Variants in SMARCC1 observed in about 807,000 individuals in gnomAD.
SMARCC1 encodes the protein SWI/SNF complex subunit SMARCC1.
A neutral mutation model predicts 147.4 loss-of-function variants in SMARCC1; 43 were observed. The observed-to-expected ratio is 0.29, with a 90% CI of 0.23 to 0.38. The LOEUF is 0.38. SMARCC1 is among the 10% of genes least tolerant of loss of function. The pLI is 1.00. For missense variants in SMARCC1, 1,119 were observed against 1,381.1 expected, an observed-to-expected ratio of 0.81 and a Z score of 3.01; for synonymous variants, 495 against 484.4, an observed-to-expected ratio of 1.02 and a Z score of -0.29.
chr3:47,642,521 T>C (rs1260866229), intron 21 of SMARCC1, among the ~76,000 whole-genome samples: 1 of 151,870 alleles, frequency 6.6e-6, no homozygotes, highest in East Asian at 1.9e-4. Context: ...ACCCGGGTGG[T>C]AGAGGTTGCA....
intron 19 of SMARCC1, 38 bp from the exon 20 acceptor site, chr3:47,662,630 C>A: frequency 6.3e-7 from 1 of 1,582,172 alleles, no homozygotes; most frequent in Non-Finnish European, 8.6e-7. Flanking sequence ...TGTCAGGTAA[C>A]AAGAAAGTAA....
intron 19 of SMARCC1, 50 bp downstream of exon 19, chr3:47,670,608 T>C (rs1412188634): frequency 8.8e-7 from 1 of 1,131,552 alleles, no homozygotes; most frequent in Non-Finnish European, 1.4e-6. Flanking sequence ...CAAAATAAAA[T>C]GCTAGTCAAA....
chr3:47,728,100 TTTTTG>T (rs2034322317), intron 6 of SMARCC1, among the ~76,000 whole-genome samples: 1 of 140,118 alleles, frequency 7.1e-6, no homozygotes, highest in African/African-American at 2.7e-5. Context: ...TTTTTTTTTT[TTTTTG>T]AGATGGAGTC....
chr3:47,644,596 C>T (rs1162559970), intron 21 of SMARCC1, among the ~76,000 whole-genome samples: 2 of 152,184 alleles, frequency 1.3e-5, no homozygotes, highest in Non-Finnish European at 2.9e-5. Flanking sequence ...CAACCCCTGT[C>T]TCCCAGGTTC....
At chr3:47,713,394 C>T (rs2034115813) in intron 8 of SMARCC1, among the ~76,000 whole-genome samples, 1 of 151,908 alleles carries the variant, frequency 6.6e-6, no homozygotes, top group East Asian at 1.9e-4. Flanking sequence ...CCAAGTAGTG[C>T]TTTGTTTTGT....
At chr3:47,668,191 T>C (rs1008380223) in intron 19 of SMARCC1, among the ~76,000 whole-genome samples, 2 of 152,322 alleles carry the variant, frequency 1.3e-5, no homozygotes, top group South Asian at 2.1e-4. Context: ...TGGCCTTTTA[T>C]AGCTACTTAT....
Position 47,610,345 on chromosome 3 carries a change from G to A in SMARCC1, c.2782-18C>T, listed in dbSNP as rs763279366. On this transcript the variant is annotated intron_variant, in intron 25 of 27. Coordinates refer to ENST00000254480, the MANE Select transcript of SMARCC1 (RefSeq NM_003074.4). ...TGTTCTAGCTGTAAGCAAAGGAAGT[G>A]GAAGAGAAATGACACCAGAAGAGGC... 2 of 1,613,822 alleles carry A rather than the reference G, an allele frequency of 1.2e-6. No individual in the cohort carries two copies. Among genetic ancestry groups the A allele is most frequent in the Non-Finnish European group, 1.7e-6 (2 of 1,179,762 alleles).
chr3:47,693,630 C>T (rs899748251), intron 11 of SMARCC1, among the ~76,000 whole-genome samples: 2 of 152,104 alleles, frequency 1.3e-5, no homozygotes, highest in Non-Finnish European at 2.9e-5. Flanking sequence ...CTAATCCATT[C>T]ATTCTTTTAA....
At chr3:47,607,751 G>C (rs973253486) in intron 26 of SMARCC1, among the ~76,000 whole-genome samples, 2 of 152,026 alleles carry the variant, frequency 1.3e-5, no homozygotes, top group Non-Finnish European at 2.9e-5. Context: ...GACAATTTTA[G>C]CATCAAAAAA....
At chr3:47,749,700 CCCTCTAAATT>C (rs1553690156) in intron 2 of SMARCC1, among the ~76,000 whole-genome samples, 93 of 149,112 alleles carry the variant, frequency 6.2e-4, no homozygotes, top group Middle Eastern at 7.0e-3. Context: ...CAAAGTGAGA[CCCTCTAAATT>C]AAACACACAC....
intron 9 of SMARCC1, among the ~76,000 whole-genome samples, chr3:47,706,909 C>T (rs1354750947): frequency 1.3e-5 from 2 of 152,132 alleles, no homozygotes; most frequent in African/African-American, 4.8e-5. Flanking sequence ...ACAGGCCAAA[C>T]GATCCTGTGA....
chr3:47,611,174 C>A (rs2032558782), intron 25 of SMARCC1, among the ~76,000 whole-genome samples: 2 of 152,198 alleles, frequency 1.3e-5, no homozygotes, highest in Non-Finnish European at 2.9e-5. Flanking sequence ...AAATCCAGAT[C>A]TCTGAAAGTA....
At chr3:47,653,376 T>G (rs2033219184) in intron 21 of SMARCC1, among the ~76,000 whole-genome samples, 5 of 152,220 alleles carry the variant, frequency 3.3e-5, no homozygotes, top group Admixed American at 3.3e-4. Context: ...TTAAGGAAGC[T>G]TATTTTCCCT....
intron 1 of SMARCC1, among the ~76,000 whole-genome samples, chr3:47,776,072 C>T (rs1297872691): frequency 1.3e-5 from 2 of 151,552 alleles, no homozygotes; most frequent in African/African-American, 2.4e-5. Context: ...GGCTTGAATC[C>T]GGGAGGCGGA....
chr3:47,591,249 GACC>G (rs2032176994), intron 26 of SMARCC1, among the ~76,000 whole-genome samples: 1 of 152,104 alleles, frequency 6.6e-6, no homozygotes, highest in African/African-American at 2.4e-5. Context: ...TCAGTAAAAG[GACC>G]ACAATTCAGT....
intron 13 of SMARCC1, among the ~76,000 whole-genome samples, chr3:47,687,075 A>G (rs2033734346): frequency 6.6e-6 from 1 of 152,224 alleles, no homozygotes; most frequent in Admixed American, 6.5e-5. Flanking sequence ...TCTTAATTCA[A>G]CCTAAATCTC....
intron 2 of SMARCC1, among the ~76,000 whole-genome samples, chr3:47,769,540 T>C (rs933536857): frequency 1.3e-5 from 2 of 151,926 alleles, no homozygotes; most frequent in East Asian, 3.9e-4. Flanking sequence ...CATAACACTT[T>C]TATGTGTTGC....
intron 24 of SMARCC1, among the ~76,000 whole-genome samples, chr3:47,624,894 T>TAAAAAAAAAAA (rs60766054): frequency 8.9e-6 from 1 of 111,766 alleles, no homozygotes; most frequent in Admixed American, 9.2e-5. Context: ...TACTAAAAAT[T>TAAAAAAAAAAA]AAAAAAAAAA....
chr3:47,621,172 C>T (rs572455453), intron 25 of SMARCC1, among the ~76,000 whole-genome samples: 5 of 152,032 alleles, frequency 3.3e-5, no homozygotes, highest in Non-Finnish European at 7.4e-5. Context: ...TGGTGGCGTG[C>T]GCCTGTAGTC....
Sources: gnomAD v4.1 joint callset for allele counts (sites outside exome capture counted in the v4.1 genomes callset) on GRCh38, gnomAD v4.1.1 for gene constraint, MANE v1.5 for transcripts, NCBI Gene and HGNC (gene_info 2026-07-23, HGNC 2026-07-21) for gene names.